Variants in NRG1 observed in about 807,000 individuals in gnomAD.
NRG1 encodes the protein pro-neuregulin-1, membrane-bound isoform.
Under a neutral mutation model 63.8 loss-of-function variants are expected in NRG1, and 18 were observed. The observed-to-expected ratio is 0.28, with a 90% confidence interval of 0.19 to 0.42. The LOEUF (loss-of-function observed/expected upper bound fraction) is 0.42. Among genes scored for constraint, NRG1 ranks in the 10% least tolerant of loss-of-function variants. The pLI is 1.00. For missense variants in NRG1, 762 were observed against 814.7 expected (o/e 0.94, Z 0.79); for synonymous variants, 302 against 301.3 (o/e 1.00, Z -0.02).
intron 1 of NRG1, among the ~76,000 whole-genome samples, chr8:31,989,571 A>G (rs1395444254): frequency 1.3e-5 from 2 of 152,066 alleles, no homozygotes; most frequent in Non-Finnish European, 2.9e-5. Context: ...CCTTGCATAC[A>G]GTCCTCTTGG....
intron 1 of NRG1, among the ~76,000 whole-genome samples, chr8:32,207,322 T>C (rs978758297): frequency 2.6e-5 from 4 of 152,166 alleles, no homozygotes; most frequent in Non-Finnish European, 5.9e-5. Context: ...TTCTGCCATT[T>C]CTCTTAATGC....
chr8:31,697,511 C>T (rs1810196037), intron 1 of NRG1, among the ~76,000 whole-genome samples: 1 of 152,146 alleles, frequency 6.6e-6, no homozygotes, highest in African/African-American at 2.4e-5. Flanking sequence ...CCACCAACTC[C>T]CAGCTGTCTT....
intron 1 of NRG1, chr8:32,061,809 A>G (rs1227241376): frequency 6.6e-6 from 1 of 152,022 alleles, no homozygotes; most frequent in Non-Finnish European, 1.5e-5. Context: ...CATAGAGAGG[A>G]CGTAGAAAAT....
At chr8:31,760,611 A>G in intron 1 of NRG1, among the ~76,000 whole-genome samples, 1 of 150,184 alleles carries the variant, frequency 6.7e-6, no homozygotes, top group East Asian at 1.9e-4. Flanking sequence ...ACAAGAAAAA[A>G]ACAAACAACC....
rs117613571 is a variant in NRG1 at position 31,662,107 on chromosome 8, C to T, written c.37+22676C>T. 8.1e-3 allele frequency among the ~76,000 whole-genome samples: 1,239 copies of T among 152,212 alleles called. 18 individuals are homozygous for T. Among genetic ancestry groups the T allele is most frequent in the South Asian group, 0.053 (257 of 4,812 alleles). On this transcript the variant is annotated intron_variant, in intron 1 of 10. Coordinates refer to the NRG1 transcript ENST00000519301. ...TACCTTACTAGAGCAAAATGACTTC[C>T]CATTATAGAACATGGTCTGGCACTT...
At chr8:32,027,296 A>G (rs1212024137) in intron 1 of NRG1, among the ~76,000 whole-genome samples, 1 of 152,170 alleles carries the variant, frequency 6.6e-6, no homozygotes, top group Non-Finnish European at 1.5e-5. Context: ...AATATTTAGG[A>G]CATGTATATG....
chr8:32,445,675 T>A (rs1820147587), intron 1 of NRG1, among the ~76,000 whole-genome samples: 1 of 152,178 alleles, frequency 6.6e-6, no homozygotes, highest in Non-Finnish European at 1.5e-5. Context: ...CCTTACCTAT[T>A]TAGAATAGCT....
At chr8:32,261,938 A>G (rs1850424529) in intron 1 of NRG1, among the ~76,000 whole-genome samples, 1 of 152,276 alleles carries the variant, frequency 6.6e-6, no homozygotes, top group East Asian at 1.9e-4. Context: ...TCTGAGCTAT[A>G]CTTGCATACA....
At chr8:32,518,936 G>A (rs1830085061) in intron 1 of NRG1, among the ~76,000 whole-genome samples, 1 of 152,158 alleles carries the variant, frequency 6.6e-6, no homozygotes, top group Admixed American at 6.5e-5. Flanking sequence ...CAATGTACAT[G>A]TTTAAATAAA....
intron 5 of NRG1, among the ~76,000 whole-genome samples, chr8:32,664,467 A>G (rs892289019): frequency 6.6e-6 from 1 of 152,156 alleles, no homozygotes; most frequent in African/African-American, 2.4e-5. Flanking sequence ...TGTTAAGTGC[A>G]TGGTGAGTCG....
chr8:31,684,669 C>G (rs1017334926), intron 1 of NRG1, among the ~76,000 whole-genome samples: 1 of 152,032 alleles, frequency 6.6e-6, no homozygotes, highest in African/African-American at 2.4e-5. Flanking sequence ...ATAAATAACA[C>G]TAGATCACTT....
chr8:32,159,770 ATAGTCT>A (rs1022715619), intron 1 of NRG1, among the ~76,000 whole-genome samples: 2 of 152,130 alleles, frequency 1.3e-5, no homozygotes, highest in African/African-American at 4.8e-5. Flanking sequence ...TATTAGTATA[ATAGTCT>A]TAGTAATTAT....
intron 1 of NRG1, among the ~76,000 whole-genome samples, chr8:31,880,903 A>G (rs953979097): frequency 1.3e-5 from 2 of 152,204 alleles, no homozygotes; most frequent in Non-Finnish European, 2.9e-5. Context: ...ATAGAAATCA[A>G]TGGACTGGAG....
chr8:32,097,280 A>T (rs1213085376), intron 1 of NRG1, among the ~76,000 whole-genome samples: 1 of 152,140 alleles, frequency 6.6e-6, no homozygotes, highest in Non-Finnish European at 1.5e-5. Flanking sequence ...ATATACTGTT[A>T]TTGTGATTAG....
intron 1 of NRG1, among the ~76,000 whole-genome samples, chr8:31,663,620 C>T (rs1806229059): frequency 6.6e-6 from 1 of 152,174 alleles, no homozygotes; most frequent in Non-Finnish European, 1.5e-5. Context: ...TGCACCTTTT[C>T]CCCCAAATGT....
intron 1 of NRG1, among the ~76,000 whole-genome samples, chr8:32,021,662 C>T (rs965748529): frequency 5.9e-5 from 9 of 151,986 alleles, no homozygotes; most frequent in Non-Finnish European, 1.0e-4. Flanking sequence ...ACATATATAA[C>T]TTTGAGACAT....
At chr8:31,923,807 C>T (rs1834110321) in intron 1 of NRG1, among the ~76,000 whole-genome samples, 1 of 152,030 alleles carries the variant, frequency 6.6e-6, no homozygotes, top group East Asian at 1.9e-4. Flanking sequence ...GTGCCTCCAT[C>T]ACTGGAGGAA....
intron 2 of NRG1, among the ~76,000 whole-genome samples, chr8:32,600,913 T>C (rs1283555976): frequency 6.6e-6 from 1 of 152,148 alleles, no homozygotes; most frequent in Admixed American, 6.6e-5. Context: ...AATCAAGTAG[T>C]CTTTCCAAGC....
At chr8:31,777,314 T>A (rs1458415092) in intron 1 of NRG1, among the ~76,000 whole-genome samples, 2 of 152,220 alleles carry the variant, frequency 1.3e-5, no homozygotes, top group African/African-American at 4.8e-5. Flanking sequence ...TATTAATTTG[T>A]TTAGTCTTTA....
Sources: allele counts gnomAD v4.1 joint callset (sites outside exome capture counted in the v4.1 genomes callset), GRCh38; gene constraint gnomAD v4.1.1; transcripts MANE v1.5; gene names NCBI Gene and HGNC (gene_info 2026-07-23, HGNC 2026-07-21).